The following ABCC9 variants were observed in gnomAD, a reference collection of about 807,000 sequenced individuals.
The protein encoded by ABCC9 is ATP-binding cassette sub-family C member 9.
In ABCC9, 95 loss-of-function variants were observed where a neutral mutation model predicts 188.3. The observed-to-expected ratio is 0.50, with a 90% CI of 0.43 to 0.60. ABCC9 has a LOEUF of 0.60. ABCC9 is among the 20% of genes least tolerant of loss of function. ABCC9 has a pLI of 0.00. For synonymous variants in ABCC9, 659 were observed against 652.7 expected (o/e 1.01, Z -0.15); for missense variants, 1,102 against 1,876.3 (o/e 0.59, Z 7.62).
intron 31 of ABCC9, among the ~76,000 whole-genome samples, chr12:21,826,129 G>C (rs1943365505): frequency 6.6e-6 from 1 of 152,060 alleles, no homozygotes; most frequent in South Asian, 2.1e-4. Context: ...TTCCTGCTCT[G>C]GGAACTCTAA....
chr12:21,899,060 GA>G (rs1394389824), intron 12 of ABCC9, among the ~76,000 whole-genome samples: 6 of 151,980 alleles, frequency 3.9e-5, no homozygotes, highest in African/African-American at 1.5e-4. Flanking sequence ...TTCCCGTTTA[GA>G]AAAAACAAAG....
intron 39 of ABCC9, among the ~76,000 whole-genome samples, chr12:21,803,544 A>C (rs1941625810): frequency 6.6e-6 from 1 of 151,288 alleles, no homozygotes; most frequent in African/African-American, 2.4e-5. Context: ...AACCCCAGCT[A>C]CTCGGGAGGC....
At position 21,799,171 on chromosome 12, in the gene ABCC9, G is replaced by A. The variant is rs867916882; in HGVS notation, c.*1873C>T. 3 of 147,324 alleles carry A rather than the reference G, an allele frequency of 2.0e-5. No homozygotes were observed. The highest frequency in any genetic ancestry group is 5.0e-5 in the African/African-American group (2 of 39,614). 9.1% of individuals were successfully genotyped at this position (147,324 alleles called of 1,614,324 possible). On this transcript the variant is annotated 3_prime_UTR_variant, in exon 40 of 40. Transcript: ENST00000261200. ...TAGATGACGAGTTAGTGGGTGCAGCGCACCAGCATGGCACATGTATATATA... is the reference window on the plus strand; with the variant it reads ...TAGATGACGAGTTAGTGGGTGCAGCACACCAGCATGGCACATGTATATATA...
chr12:21,869,302 C>T (rs1945943570), intron 18 of ABCC9, among the ~76,000 whole-genome samples: 1 of 152,180 alleles, frequency 6.6e-6, no homozygotes, highest in East Asian at 1.9e-4. Flanking sequence ...TGAATCTATT[C>T]ACTTTGGTTC....
rs760772830 is a variant in ABCC9, at chr12:21,848,246, C to T, written c.2770G>A (p.Asp924Asn). The T allele has an allele frequency of 1.2e-6, 2 of 1,612,878 alleles. No homozygotes were observed. The highest frequency in any genetic ancestry group is 1.7e-6 in the Non-Finnish European group (2 of 1,179,100). Residue 924 changes from aspartate to asparagine, a missense_variant and splice_region_variant, in exon 25 of 40, where the codon GAT (aspartate) becomes AAT (asparagine). By Grantham distance (23) the Asp-to-Asn change is conservative (BLOSUM62 1). Transcript: ENST00000261200. ...MNRQDQELEK[D>N]MEADQTTLER... The stretch of plus-strand genomic sequence containing the variant: ...AAAGTAGTTTGGTCAGCTTCCATAT[C>T]CTGCAGTAAACATTGTACTATCATG...
At chr12:21,890,454 A>C (rs1437376948) in intron 14 of ABCC9, among the ~76,000 whole-genome samples, 4 of 152,286 alleles carry the variant, frequency 2.6e-5, no homozygotes, top group South Asian at 4.1e-4. Context: ...TTCCCTGTGA[A>C]TATACTGCTC....
intron 29 of ABCC9, among the ~76,000 whole-genome samples, chr12:21,839,128 A>C (rs1944249509): frequency 6.6e-6 from 1 of 152,236 alleles, no homozygotes. Flanking sequence ...GTGAGTGAGG[A>C]AGATCAGTTA....
chr12:21,836,303 A>T (rs1944084996), intron 30 of ABCC9, among the ~76,000 whole-genome samples: 1 of 152,176 alleles, frequency 6.6e-6, no homozygotes, highest in Non-Finnish European at 1.5e-5. Flanking sequence ...AAGTTATTTA[A>T]AGATACTTAT....
At chr12:21,925,278 C>A in intron 5 of ABCC9, 1 of 487,614 alleles carries the variant, frequency 2.1e-6, no homozygotes. Context: ...TAATTTTGAC[C>A]CAAGGCAAAA....
chr12:21,867,822 GAA>G (rs11373840), intron 18 of ABCC9, among the ~76,000 whole-genome samples: 2 of 137,894 alleles, frequency 1.5e-5, no homozygotes, highest in Admixed American at 7.3e-5. Flanking sequence ...AGAGGGAAAA[GAA>G]AAAAAAAAAA....
At chr12:21,857,929 G>GA (rs1945311274) in intron 22 of ABCC9, among the ~76,000 whole-genome samples, 1 of 152,100 alleles carries the variant, frequency 6.6e-6, no homozygotes, top group South Asian at 2.1e-4. Context: ...AGCAGTAACA[G>GA]GAAATTTATA....
chr12:21,936,608 A>G lies in ABCC9; in HGVS notation c.67T>C (p.Ser23Pro). 6.2e-7 allele frequency: 1 copy of G among 1,612,132 alleles called. No individual in the cohort carries two copies. Among genetic ancestry groups the G allele is most frequent in the Non-Finnish European group, 8.5e-7 (1 of 1,178,316 alleles). The change falls in exon 3 of 40, where the codon TCC (serine) becomes CCC (proline). Residue 23 changes from serine (S) to proline (P), a missense_variant. By Grantham distance (74) the Ser-to-Pro change is moderately conservative. Transcript: ENST00000261200. ...AGGTTGAGGGCATCCACAAAGCAGG[A>G]ATTTTGTAGTACACCATCGTTGATA... Reference protein sequence around the residue: ...YNINDGVLQNSCFVDALNLVP... With the variant: ...YNINDGVLQNPCFVDALNLVP...
At position 21,915,296 on chromosome 12, in the gene ABCC9, A is replaced by ATGTGTATATATATG. The variant is rs1199713659; in HGVS notation, c.816+371_816+372insCATATATATACACA. 2.2e-5 allele frequency among the ~76,000 whole-genome samples: 3 copies of ATGTGTATATATATG among 134,162 alleles called. No homozygotes were observed. In the East Asian group the frequency reaches 6.5e-4, roughly 29 times the overall value. The allele number at this position is 134,162 out of a possible 152,430, so 88.0% of individuals were successfully genotyped here. ...TGTATATATATGTGTGTATATATAC[A>ATGTGTATATATATG]TGTGTATATATATATAATGTGTATA... On this transcript the variant is annotated intron_variant, in intron 7 of 39. Coordinates refer to ENST00000261200, the MANE Select transcript of ABCC9 (RefSeq NM_020297.4).
At chr12:21,817,023 G>T (rs1427561696) in intron 33 of ABCC9, among the ~76,000 whole-genome samples, 164 bp downstream of exon 33, 2 of 152,104 alleles carry the variant, frequency 1.3e-5, no homozygotes, top group African/African-American at 4.8e-5. Flanking sequence ...GGCCTAAATA[G>T]TCACATCTTT....
chr12:21,805,254 A>ATTT lies in ABCC9; in HGVS notation c.4512+743_4512+744insAAA, dbSNP rs771500892. 1,057 of 1,614,058 alleles carry ATTT rather than the reference A, an allele frequency of 6.5e-4. No individual in the cohort carries two copies. Among genetic ancestry groups the ATTT allele is most frequent in the Non-Finnish European group, 8.0e-4 (946 of 1,179,968 alleles). On this transcript the variant is annotated intron_variant, in intron 39 of 39. Transcript: ENST00000261200. ...TTTGGGACAGTATCACACTCCACTA[A>ATTT]AATACCCTCAGAAAAGACTAAAACA...
At chr12:21,822,868 A>T (rs997898494) in intron 31 of ABCC9, among the ~76,000 whole-genome samples, 1 of 151,896 alleles carries the variant, frequency 6.6e-6, no homozygotes, top group African/African-American at 2.4e-5. Context: ...AAGTTTAATG[A>T]TTCACAAAGT....
chr12:21,939,005 G>A (rs946134148), intron 2 of ABCC9, among the ~76,000 whole-genome samples: 1 of 152,124 alleles, frequency 6.6e-6, no homozygotes, highest in Non-Finnish European at 1.5e-5. Context: ...AATGGTGCAC[G>A]TCAGAAACAG....
chr12:21,896,763 T>C (rs551408159), intron 12 of ABCC9, among the ~76,000 whole-genome samples: 3 of 152,366 alleles, frequency 2.0e-5, no homozygotes, highest in Admixed American at 2.0e-4. Context: ...TATTCCTTTT[T>C]ATGGCTGCAT....
At chr12:21,858,612 A>G (rs937221916) in intron 22 of ABCC9, among the ~76,000 whole-genome samples, 2 of 151,796 alleles carry the variant, frequency 1.3e-5, no homozygotes, top group Non-Finnish European at 2.9e-5. Flanking sequence ...TACATAGGCT[A>G]CTGTTAGATC....
Sources: allele counts gnomAD v4.1 joint callset (sites outside exome capture counted in the v4.1 genomes callset), GRCh38; gene constraint gnomAD v4.1.1; transcripts MANE v1.5; gene names NCBI Gene and HGNC (gene_info 2026-07-23, HGNC 2026-07-21).